Variants in BRCA1 observed in about 807,000 individuals in gnomAD.
BRCA1 encodes breast cancer type 1 susceptibility protein.
BRCA1 carries 140 observed loss-of-function variants against 173.7 expected under a neutral mutation model. The observed-to-expected ratio is 0.81, with a 90% CI of 0.70 to 0.93. The LOEUF (loss-of-function observed/expected upper bound fraction) is 0.93, where lower values mean the gene tolerates loss of function less well. Among genes scored for constraint, BRCA1 ranks in the 40% least tolerant of loss-of-function variants. The pLI is 0.00. For synonymous variants in BRCA1, 662 were observed against 756.0 expected (o/e 0.88, Z 2.04); for missense variants, 1,983 against 2,172.5 (o/e 0.91, Z 1.73).
chr17:43,115,887 G>A (rs985177596), intron 2 of BRCA1, 108 bp from the exon 3 acceptor site: 2 of 1,105,570 alleles, frequency 1.8e-6, no homozygotes, highest in Non-Finnish European at 2.6e-6. Flanking sequence ...TTATGACTGA[G>A]TCAACATAAG....
chr17:43,101,650 G>A (rs142854457), intron 6 of BRCA1, among the ~76,000 whole-genome samples: 3 of 151,322 alleles, frequency 2.0e-5, no homozygotes, highest in Non-Finnish European at 4.4e-5. Context: ...TTACAGGTAC[G>A]TGCCACCACA....
At chr17:43,070,852 A>C in intron 15 of BRCA1, 76 bp downstream of exon 15, 28 of 1,508,484 alleles carry the variant, frequency 1.9e-5, no homozygotes, top group Middle Eastern at 1.7e-4. Context: ...TTATTAATTG[A>C]CAATACCTAC....
chr17:43,117,939 G>A (rs571095658), intron 2 of BRCA1, among the ~76,000 whole-genome samples: 18 of 152,102 alleles, frequency 1.2e-4, no homozygotes, highest in Non-Finnish European at 2.5e-4. Flanking sequence ...ACAAAATAAA[G>A]CCTGCTCTCA....
At chr17:43,054,571 C>A (rs540876009) in intron 19 of BRCA1, among the ~76,000 whole-genome samples, 7 of 151,996 alleles carry the variant, frequency 4.6e-5, no homozygotes, top group Non-Finnish European at 7.4e-5. Context: ...TCCTGAGTAG[C>A]TGGGAATACA....
rs137892861 is a variant in BRCA1 at position 43,045,620 on chromosome 17, G to A, written c.*58C>T. ...AGAGGAGCTCCCAGGGCCTGGAAAG[G>A]CCACTTTGTAAGCTCATTCTTGGGG... On this transcript the variant is annotated 3_prime_UTR_variant, in exon 23 of 23. Transcript: ENST00000357654. The A allele has an allele frequency of 7.4e-6, 12 of 1,612,226 alleles. No individual in the cohort carries two copies. The highest frequency in any genetic ancestry group is 1.3e-5 in the African/African-American group (1 of 74,958).
At chr17:43,105,483 A>G (rs550348364) in intron 4 of BRCA1, among the ~76,000 whole-genome samples, 2 of 152,252 alleles carry the variant, frequency 1.3e-5, no homozygotes, top group South Asian at 4.1e-4. Context: ...TCAAGCAATC[A>G]TCCCACCTCA....
At chr17:43,113,204 A>T (rs2154562853) in intron 3 of BRCA1, among the ~76,000 whole-genome samples, 1 of 152,278 alleles carries the variant, frequency 6.6e-6, no homozygotes, top group Admixed American at 6.5e-5. Flanking sequence ...ATGAGTAATA[A>T]TCAACTCTTT....
intron 1 of BRCA1, chr17:43,145,341 T>A: frequency 1.0e-5 from 5 of 477,898 alleles, no homozygotes; most frequent in South Asian, 7.6e-5. Context: ...TTTTTTTTTT[T>A]TTTGAGACAG....
chr17:43,084,752 T>C (rs765485378), intron 11 of BRCA1, among the ~76,000 whole-genome samples: 4 of 152,190 alleles, frequency 2.6e-5, no homozygotes, highest in Non-Finnish European at 4.4e-5. Context: ...AGCAATGCCA[T>C]TGCCACCACG....
chr17:43,157,122 A>G (rs2056202166), intron 1 of BRCA1, among the ~76,000 whole-genome samples: 1 of 152,242 alleles, frequency 6.6e-6, no homozygotes, highest in Non-Finnish European at 1.5e-5. Flanking sequence ...AAAATGTTAC[A>G]GTCATAGGTA....
At chr17:43,169,562 T>C (rs2056303372) in intron 1 of BRCA1, among the ~76,000 whole-genome samples, 1 of 152,164 alleles carries the variant, frequency 6.6e-6, no homozygotes, top group Non-Finnish European at 1.5e-5. Context: ...GCCCCCAACC[T>C]GATCCTTAGT....
At chr17:43,072,857 C>T (rs370473459) in intron 14 of BRCA1, among the ~76,000 whole-genome samples, 50 of 151,338 alleles carry the variant, frequency 3.3e-4, no homozygotes, top group East Asian at 1.4e-3. Context: ...AGCCACCCAC[C>T]ACGCCTGGCC....
rs2050786069 is a variant in BRCA1, at chr17:43,044,454, GA to G, written c.*1223del. On this transcript the variant is annotated 3_prime_UTR_variant, in exon 23 of 23. Coordinates refer to ENST00000357654, the MANE Select transcript of BRCA1 (RefSeq NM_007294.4). The stretch of plus-strand genomic sequence containing the variant: ...AAACAGTCCTGGATAATGGGTTTAT[GA>G]AAAACACTTTTTCTTCCTTCAGCAA... The G allele has an allele frequency of 2.0e-6, 1 of 509,372 alleles. No individual in the cohort carries two copies. The allele number at this position is 509,372 out of a possible 1,614,324, so 31.6% of individuals were successfully genotyped here.
chr17:43,102,503 C>G (rs997611928), intron 6 of BRCA1, among the ~76,000 whole-genome samples: 24 of 151,704 alleles, frequency 1.6e-4, no homozygotes, highest in Admixed American at 1.2e-3. Flanking sequence ...ATTACAGGCA[C>G]GTGCCACCAC....
chr17:43,067,759 T>C, intron 15 of BRCA1, 64 bp from the exon 16 acceptor site: 6 of 1,295,180 alleles, frequency 4.6e-6, no homozygotes, highest in Non-Finnish European at 6.7e-6. Flanking sequence ...AGAATACTAG[T>C]TATTCCACCA....
rs876659510 is a variant in BRCA1, at chr17:43,047,703, C to A, written c.5407G>T (p.Gly1803Cys). Residue 1803 changes from glycine (G) to cysteine (C), a missense_variant and splice_region_variant, in exon 22 of 23, where the codon GGT (glycine) becomes TGT (cysteine). By Grantham distance (159) the Gly-to-Cys change is radical. Transcript: ENST00000357654. Reference sequence around the variant, plus strand: ...TGCACAACCACAATTGGGTGGACACCCTGGATCCCCAGGAAGGAAAGAGCA... The same window carrying A: ...TGCACAACCACAATTGGGTGGACACACTGGATCCCCAGGAAGGAAAGAGCA... Reference protein sequence around the residue: ...KELSSFTLGTGVHPIVVVQPD... With the variant: ...KELSSFTLGTCVHPIVVVQPD... 5.0e-6 allele frequency: 8 copies of A among 1,614,114 alleles called. No individual in the cohort carries two copies. Among genetic ancestry groups the A allele is most frequent in the Non-Finnish European group, 6.8e-6 (8 of 1,180,018 alleles).
chr17:43,053,184 TCA>T (rs1326953379), intron 19 of BRCA1, among the ~76,000 whole-genome samples: 1 of 152,142 alleles, frequency 6.6e-6, no homozygotes, highest in Admixed American at 6.6e-5. Context: ...TGTGCCACTC[TCA>T]CTACCTGTAT....
In BRCA1 at chr17:43,071,225, G is replaced by C. The variant is rs80357433; in HGVS notation, c.4689C>G (p.Tyr1563Ter). Residue 1563 changes from tyrosine to a stop codon, truncating the protein, a stop_gained, in exon 15 of 23, where the codon TAC becomes TAG. Transcript: ENST00000357654. LOFTEE classifies it high-confidence loss of function. ...AGAAGAGGCTGATTCCAGATTCCAG[G>C]TAAGGGGTTCCCTCTGAAAGGAATG... Reference protein sequence around the residue: ...LPRQDLEGTPYLESGISLFSD... With the variant: ...LPRQDLEGTP 5 of 1,614,030 alleles carry C rather than the reference G, an allele frequency of 3.1e-6. No individual in the cohort carries two copies. The highest frequency in any genetic ancestry group is 4.2e-6 in the Non-Finnish European group (5 of 1,180,002).
chr17:43,051,644 T>A (rs921472192), intron 19 of BRCA1, among the ~76,000 whole-genome samples: 5 of 151,792 alleles, frequency 3.3e-5, no homozygotes, highest in Non-Finnish European at 7.4e-5. Context: ...CTGACTTTTT[T>A]TTTTTTTTTT....
Sources: allele counts gnomAD v4.1 joint callset (sites outside exome capture counted in the v4.1 genomes callset), GRCh38; gene constraint gnomAD v4.1.1; transcripts MANE v1.5; gene names NCBI Gene and HGNC (gene_info 2026-07-23, HGNC 2026-07-21).